The following IL1RAPL1 variants were observed in gnomAD, a reference collection of about 807,000 sequenced individuals.
IL1RAPL1 encodes interleukin 1 receptor accessory protein like 1.
Under a neutral mutation model 48.4 loss-of-function variants are expected in IL1RAPL1, and 3 were observed. The ratio of observed to expected loss-of-function variants is 0.06; its 90% CI spans 0.03 to 0.16. IL1RAPL1 has a LOEUF of 0.16. IL1RAPL1 is among the 10% of genes least tolerant of loss of function. IL1RAPL1 has a pLI of 1.00. For synonymous variants in IL1RAPL1, 185 were observed against 187.7 expected, an observed-to-expected ratio of 0.99 and a Z score of 0.12; for missense variants, 349 against 530.6, an observed-to-expected ratio of 0.66 and a Z score of 3.36.
intron 1 of IL1RAPL1, among the ~76,000 whole-genome samples, chrX:28,652,835 A>G (rs912107618): frequency 2.7e-5 from 3 of 109,820 alleles, no homozygotes; most frequent in Non-Finnish European, 5.7e-5. Flanking sequence ...AGGAAAATAT[A>G]TATCAACTCA....
chrX:28,667,109 T>C (rs766625648), intron 1 of IL1RAPL1, among the ~76,000 whole-genome samples: 1 of 111,901 alleles, frequency 8.9e-6, no homozygotes, highest in East Asian at 2.8e-4. Flanking sequence ...TGTACATATT[T>C]TCAGGATGGT....
intron 2 of IL1RAPL1, among the ~76,000 whole-genome samples, chrX:29,097,747 G>A (rs1348349206): frequency 4.5e-5 from 5 of 111,697 alleles, no homozygotes; most frequent in African/African-American, 1.3e-4. Context: ...AATGCTCACA[G>A]GCTTTACTGA....
intron 2 of IL1RAPL1, among the ~76,000 whole-genome samples, chrX:29,057,464 G>A (rs542637251): frequency 1.2e-4 from 13 of 106,259 alleles, no homozygotes; most frequent in African/African-American, 3.8e-4. Context: ...AGTTTCGCTC[G>A]TCACCCAGGA....
intron 5 of IL1RAPL1, among the ~76,000 whole-genome samples, chrX:29,563,607 A>G (rs954598368): frequency 2.7e-5 from 3 of 112,764 alleles, no homozygotes; most frequent in African/African-American, 6.4e-5. Flanking sequence ...ATGTTGATTT[A>G]TGAAAGTTCT....
chrX:29,270,839 T>C (rs1028200780), intron 2 of IL1RAPL1, among the ~76,000 whole-genome samples: 1 of 111,842 alleles, frequency 8.9e-6, no homozygotes, highest in Non-Finnish European at 1.9e-5. Flanking sequence ...ATATAACATT[T>C]TGGAGATAAT....
intron 6 of IL1RAPL1, among the ~76,000 whole-genome samples, chrX:29,806,529 A>G (rs888439847): frequency 1.8e-5 from 2 of 111,051 alleles, no homozygotes; most frequent in African/African-American, 6.5e-5. Context: ...AAAGTAATAT[A>G]GGAGGACTTG....
intron 2 of IL1RAPL1, among the ~76,000 whole-genome samples, chrX:28,994,931 CTG>C (rs1447997095): frequency 9.0e-6 from 1 of 111,434 alleles, no homozygotes; most frequent in Non-Finnish European, 1.9e-5. Context: ...ATGCAGAAGA[CTG>C]TATTTAAGAT....
At chrX:28,716,227 T>A (rs1935502627) in intron 1 of IL1RAPL1, among the ~76,000 whole-genome samples, 1 of 111,895 alleles carries the variant, frequency 8.9e-6, no homozygotes, top group Non-Finnish European at 1.9e-5. Context: ...ACAGCCAACA[T>A]CGTACTGAAT....
At chrX:28,628,133 C>A (rs981345057) in intron 1 of IL1RAPL1, among the ~76,000 whole-genome samples, 18 of 111,306 alleles carry the variant, frequency 1.6e-4, no homozygotes, top group Non-Finnish European at 3.4e-4. Context: ...CTCTGATAAT[C>A]CAGCAGGTCA....
At chrX:29,407,874 G>T (rs981212911) in intron 5 of IL1RAPL1, among the ~76,000 whole-genome samples, 3 of 112,227 alleles carry the variant, frequency 2.7e-5, no homozygotes, top group Non-Finnish European at 5.6e-5. Flanking sequence ...ATTTCTTAAA[G>T]ATTATAAAAT....
At chrX:28,834,039 A>G (rs1921141228) in intron 2 of IL1RAPL1, among the ~76,000 whole-genome samples, 1 of 112,101 alleles carries the variant, frequency 8.9e-6, no homozygotes, top group Admixed American at 9.5e-5. Context: ...TGAAATGTAG[A>G]TCTTGAGTGA....
chrX:29,466,297 A>G (rs919213632), intron 5 of IL1RAPL1, among the ~76,000 whole-genome samples: 2 of 111,790 alleles, frequency 1.8e-5, no homozygotes, highest in Non-Finnish European at 3.8e-5. Context: ...CAGCTGCCAC[A>G]GAGTAACCAT....
intron 6 of IL1RAPL1, among the ~76,000 whole-genome samples, chrX:29,905,025 C>T (rs1220718325): frequency 8.9e-6 from 1 of 111,955 alleles, no homozygotes; most frequent in African/African-American, 3.2e-5. Context: ...CACAGCCTAG[C>T]CAGCATCTAT....
At chrX:29,221,620 TACACACACACACACAC>T (rs35088625) in intron 2 of IL1RAPL1, among the ~76,000 whole-genome samples, 2,289 of 79,546 alleles carry the variant, frequency 0.029, 80 homozygotes, top group African/African-American at 0.096. Flanking sequence ...TACACACACA[TACACACACACACACAC>T]ACACACACAC....
chrX:29,641,828 G>T (rs1266272655), intron 5 of IL1RAPL1, among the ~76,000 whole-genome samples: 3 of 112,203 alleles, frequency 2.7e-5, no homozygotes, highest in African/African-American at 9.7e-5. Context: ...GCTCTTCAGT[G>T]GAAAAATCTT....
chrX:29,918,679 C>T (rs1241960337), intron 7 of IL1RAPL1, among the ~76,000 whole-genome samples: 3 of 110,822 alleles, frequency 2.7e-5, no homozygotes, highest in Non-Finnish European at 3.8e-5. Flanking sequence ...TATCGCCTTT[C>T]TTAGTCTGAC....
At chrX:29,144,631 G>C (rs1475615550) in intron 2 of IL1RAPL1, among the ~76,000 whole-genome samples, 3 of 94,960 alleles carry the variant, frequency 3.2e-5, no homozygotes, top group Non-Finnish European at 6.3e-5. Flanking sequence ...AAAAAGGAAA[G>C]ATCTGAATAA....
intron 6 of IL1RAPL1, among the ~76,000 whole-genome samples, chrX:29,867,451 C>A (rs768600021): frequency 1.4e-4 from 16 of 111,473 alleles, no homozygotes; most frequent in Non-Finnish European, 2.4e-4. Context: ...GGCCTAGGCC[C>A]TTTTTTGCCA....
intron 1 of IL1RAPL1, among the ~76,000 whole-genome samples, chrX:28,678,559 A>C (rs1164273399): frequency 8.9e-6 from 1 of 111,781 alleles, no homozygotes; most frequent in African/African-American, 3.3e-5. Flanking sequence ...TATATTTATA[A>C]ATTGGTATTC....
Sources: gnomAD v4.1 joint callset for allele counts (sites outside exome capture counted in the v4.1 genomes callset) on GRCh38, gnomAD v4.1.1 for gene constraint, MANE v1.5 for transcripts, NCBI Gene and HGNC (gene_info 2026-07-23, HGNC 2026-07-21) for gene names.